The following ROBO2 variants were observed in gnomAD, a reference collection of about 807,000 sequenced individuals.
ROBO2 encodes the protein roundabout homolog 2.
In ROBO2, 53 loss-of-function variants were observed where a neutral mutation model predicts 160.8. The ratio of observed to expected loss-of-function variants is 0.33; its 90% CI spans 0.26 to 0.41. The LOEUF is 0.41. Ranked by LOEUF, ROBO2 falls within the 10% of genes least tolerant of loss-of-function variation. The pLI is 1.00. For synonymous variants in ROBO2, 664 were observed against 611.7 expected, an observed-to-expected ratio of 1.09 and a Z score of -1.26; for missense variants, 1,577 against 1,722.4, an observed-to-expected ratio of 0.92 and a Z score of 1.49.
intron 2 of ROBO2, among the ~76,000 whole-genome samples, chr3:77,455,159 G>T (rs1201865954): frequency 1.3e-5 from 2 of 152,128 alleles, no homozygotes; most frequent in African/African-American, 2.4e-5. Flanking sequence ...ACAATAAATA[G>T]AATTACTAGT....
intron 2 of ROBO2, among the ~76,000 whole-genome samples, chr3:76,670,096 A>G (rs914540374): frequency 2.0e-5 from 3 of 152,174 alleles, no homozygotes; most frequent in Admixed American, 6.5e-5. Flanking sequence ...TTGATTTGAT[A>G]ACTCTCATTT....
intron 2 of ROBO2, among the ~76,000 whole-genome samples, chr3:76,285,229 G>A (rs1172628839): frequency 6.6e-6 from 1 of 152,048 alleles, no homozygotes; most frequent in Non-Finnish European, 1.5e-5. Context: ...ATGTCAGAAG[G>A]TTTTCTAAGC....
chr3:77,615,369 T>G (rs2153701434), intron 21 of ROBO2, among the ~76,000 whole-genome samples: 1 of 152,252 alleles, frequency 6.6e-6, no homozygotes, highest in South Asian at 2.1e-4. Context: ...GTCCATAGTT[T>G]ACATTAGGGT....
At chr3:77,622,132 A>G (rs1349120609) in intron 22 of ROBO2, 95 bp from the exon 24 acceptor site, 2 of 1,068,700 alleles carry the variant, frequency 1.9e-6, no homozygotes, top group Non-Finnish European at 2.8e-6. Context: ...GGAAGAAGAC[A>G]GTATGAGTTA....
chr3:76,780,203 G>C (rs547197209), intron 2 of ROBO2, among the ~76,000 whole-genome samples: 67 of 148,748 alleles, frequency 4.5e-4, no homozygotes, highest in Non-Finnish European at 9.2e-4. Context: ...TTTTTTGTTT[G>C]TTTGTTTTTT....
chr3:75,929,098 G>C (rs1298627786), intron 1 of ROBO2, among the ~76,000 whole-genome samples: 1 of 146,362 alleles, frequency 6.8e-6, no homozygotes, highest in South Asian at 2.2e-4. Flanking sequence ...GTGGAGGGGG[G>C]GTAGCTGATG....
At chr3:75,940,108 C>T (rs1947980431) in intron 2 of ROBO2, among the ~76,000 whole-genome samples, 1 of 152,152 alleles carries the variant, frequency 6.6e-6, no homozygotes, top group Admixed American at 6.6e-5. Context: ...ACAACCTCTT[C>T]ATATTTATGA....
At chr3:76,747,054 G>A (rs775013563) in intron 2 of ROBO2, among the ~76,000 whole-genome samples, 3 of 152,178 alleles carry the variant, frequency 2.0e-5, no homozygotes, top group Middle Eastern at 3.4e-3. Flanking sequence ...GTCTATCATT[G>A]ATGGGCATTT....
chr3:76,425,995 C>A (rs1473216654), intron 2 of ROBO2, among the ~76,000 whole-genome samples: 4 of 152,080 alleles, frequency 2.6e-5, no homozygotes, highest in African/African-American at 9.7e-5. Context: ...CCTCTGTTTC[C>A]TTTAATTCTT....
intron 2 of ROBO2, among the ~76,000 whole-genome samples, chr3:76,752,595 A>C (rs2060739191): frequency 2.0e-5 from 3 of 151,994 alleles, no homozygotes; most frequent in Admixed American, 2.0e-4. Context: ...ATTCATCCTT[A>C]AAGAATTAGA....
At position 76,142,844 on chromosome 3, in the gene ROBO2, G is replaced by A. The variant is rs1292200019; in HGVS notation, c.109+205242G>A. ...CACAAATAATAGATGCTTGAGGGAT[G>A]AATACCTATTCTCCATGTGATGTGC... is the stretch of plus-strand genomic sequence containing the variant. On this transcript the variant is annotated intron_variant, in intron 2 of 26. Transcript: ENST00000487694. 3.9e-5 allele frequency among the ~76,000 whole-genome samples: 6 copies of A among 151,930 alleles called. No individual in the cohort carries two copies. In the South Asian group the frequency reaches 1.2e-3, roughly 32 times the overall value.
intron 2 of ROBO2, among the ~76,000 whole-genome samples, chr3:76,561,107 C>T (rs1331870790): frequency 6.6e-6 from 1 of 151,224 alleles, no homozygotes; most frequent in African/African-American, 2.4e-5. Flanking sequence ...CATGGAATAG[C>T]CTGAAAAAAT....
chr3:76,836,054 G>A (rs546960847), intron 2 of ROBO2, among the ~76,000 whole-genome samples: 1 of 151,970 alleles, frequency 6.6e-6, no homozygotes, highest in East Asian at 1.9e-4. Context: ...TACCATATGA[G>A]GATTTATTTT....
intron 2 of ROBO2, among the ~76,000 whole-genome samples, chr3:76,684,397 A>T (rs1560372011): frequency 6.6e-6 from 1 of 152,128 alleles, no homozygotes; most frequent in Non-Finnish European, 1.5e-5. Flanking sequence ...GTTAAGTTCC[A>T]TGTATACGGT....
chr3:77,125,882 G>A (rs751664796), intron 2 of ROBO2, among the ~76,000 whole-genome samples: 1 of 152,038 alleles, frequency 6.6e-6, no homozygotes, highest in Non-Finnish European at 1.5e-5. Flanking sequence ...GCTATGTTTA[G>A]TTCACTTCTA....
At chr3:76,557,774 C>G (rs2083891312) in intron 2 of ROBO2, among the ~76,000 whole-genome samples, 1 of 151,610 alleles carries the variant, frequency 6.6e-6, no homozygotes, top group African/African-American at 2.4e-5. Flanking sequence ...CTCAGTTCCC[C>G]TTCCGTCACT....
At chr3:76,248,414 T>A (rs1201465470) in intron 2 of ROBO2, among the ~76,000 whole-genome samples, 1 of 150,442 alleles carries the variant, frequency 6.6e-6, no homozygotes, top group African/African-American at 2.5e-5. Context: ...CACTGCATAT[T>A]CTCACTCATA....
intron 2 of ROBO2, among the ~76,000 whole-genome samples, chr3:76,580,340 GTGTTTTTTTTTT>G (rs2085601517): frequency 7.3e-5 from 3 of 40,918 alleles, no homozygotes; most frequent in Admixed American, 5.4e-4. Context: ...TTTTTTTTTT[GTGTTTTTTTTTT>G]TGTTTTTTTT....
intron 2 of ROBO2, among the ~76,000 whole-genome samples, chr3:76,043,646 A>C (rs1490583120): frequency 1.4e-5 from 2 of 144,712 alleles, no homozygotes; most frequent in East Asian, 2.0e-4. Context: ...AAAAAAAAAA[A>C]CCACACCAAA....
Sources: gnomAD v4.1 joint callset for allele counts (sites outside exome capture counted in the v4.1 genomes callset) on GRCh38, gnomAD v4.1.1 for gene constraint, MANE v1.5 for transcripts, NCBI Gene and HGNC (gene_info 2026-07-23, HGNC 2026-07-21) for gene names.